Variants in ANK1 observed in about 807,000 individuals in gnomAD.
ANK1 encodes ankyrin 1.
In ANK1, 51 loss-of-function variants were observed where a neutral mutation model predicts 210.4. That is an observed-to-expected ratio of 0.24 (90% CI 0.19 to 0.31). The LOEUF (loss-of-function observed/expected upper bound fraction) is 0.31. Ranked by LOEUF, ANK1 falls within the 10% of genes least tolerant of loss-of-function variation. The pLI, the probability that ANK1 is intolerant of heterozygous loss-of-function variation, is 1.00. For synonymous variants in ANK1, 967 were observed against 1,025.9 expected (o/e 0.94, Z 1.10); for missense variants, 2,051 against 2,504.4 (o/e 0.82, Z 3.86).
In ANK1 at chr8:41,696,763, T is replaced by A. The variant is rs750992097; in HGVS notation, c.2648A>T (p.Glu883Val). The A allele has an allele frequency of 1.9e-6, 3 of 1,600,342 alleles. No individual in the cohort carries two copies. The highest frequency in any genetic ancestry group is 1.7e-4 in the Middle Eastern group (1 of 5,964). The change falls in exon 25 of 43, where the codon GAG becomes GTG. Residue 883 changes from glutamate to valine, a missense_variant. Glu to Val is a moderately radical substitution (Grantham distance 121). Around this residue, in one of 6 missense-constraint regions of ANK1, gnomAD observed 1,413 missense variants for 1,707.4 expected, o/e 0.83. Coordinates refer to ENST00000289734, the MANE Select transcript of ANK1 (RefSeq NM_000037.4). The stretch of plus-strand genomic sequence containing the variant: ...GGGGATGAGGGAGTCCTCATCATAC[T>A]CTTTAGATGCCTGAGGAGAGAGAAA... The part of the protein sequence containing the change: ...RSEEQEQASK[E>V]YDEDSLIPSS...
chr8:41,871,154 C>T (rs1815409001), intron 1 of ANK1, among the ~76,000 whole-genome samples: 1 of 152,190 alleles, frequency 6.6e-6, no homozygotes, highest in Non-Finnish European at 1.5e-5. Context: ...TGCACAGGTC[C>T]AGGGTGCCTT....
intron 1 of ANK1, among the ~76,000 whole-genome samples, chr8:41,806,543 T>A (rs200769469): frequency 6.6e-6 from 1 of 152,134 alleles, no homozygotes; most frequent in South Asian, 2.1e-4. Flanking sequence ...GGCGAAACCC[T>A]GTCTCTACTA....
intron 10 of ANK1, 72 bp downstream of exon 10, chr8:41,719,589 G>A (rs1004947664): frequency 7.1e-5 from 113 of 1,597,726 alleles, no homozygotes; most frequent in Non-Finnish European, 9.7e-5. Context: ...CACAGGCCCA[G>A]CCATGCCTCT....
At chr8:41,717,837 C>T (rs1297512537) in intron 11 of ANK1, 135 bp from the exon 12 acceptor site, 4 of 985,250 alleles carry the variant, frequency 4.1e-6, no homozygotes, top group Middle Eastern at 2.2e-4. Flanking sequence ...GGTTTGCTTC[C>T]AAGAAAATGG....
chr8:41,714,745 C>T (rs1827144176), intron 15 of ANK1, among the ~76,000 whole-genome samples: 1 of 151,972 alleles, frequency 6.6e-6, no homozygotes, highest in Non-Finnish European at 1.5e-5. Context: ...CTTGTAGTCC[C>T]AGCTACTCAG....
At position 41,690,458 on chromosome 8, in the gene ANK1, C is replaced by G. The variant is rs1430032968; in HGVS notation, c.3984+16G>C. On this transcript the variant is annotated intron_variant, in intron 32 of 42. Coordinates refer to ENST00000289734, the MANE Select transcript of ANK1 (RefSeq NM_000037.4). Reference sequence around the variant, plus strand: ...TTCTAGACCCAGAGGAGAACTCAGCCAGAGGGTGCCGGCACCTTTACAGGC... The same window carrying G: ...TTCTAGACCCAGAGGAGAACTCAGCGAGAGGGTGCCGGCACCTTTACAGGC... The G allele has an allele frequency of 3.7e-6, 6 of 1,614,086 alleles. No homozygotes were observed. Among genetic ancestry groups the G allele is most frequent in the Non-Finnish European group, 5.1e-6 (6 of 1,180,028 alleles).
intron 37 of ANK1, among the ~76,000 whole-genome samples, chr8:41,678,458 A>C (rs995449277): frequency 2.0e-5 from 3 of 152,182 alleles, no homozygotes; most frequent in Non-Finnish European, 4.4e-5. Flanking sequence ...TTCTTACAAT[A>C]CTTTTTCTTC....
chr8:41,746,166 G>A (rs150279060), intron 2 of ANK1, among the ~76,000 whole-genome samples: 1 of 152,334 alleles, frequency 6.6e-6, no homozygotes, highest in South Asian at 2.1e-4. Context: ...CTCTCGTTCT[G>A]CGGGGCCATA....
chr8:41,883,352 T>C (rs1362325404), intron 1 of ANK1, among the ~76,000 whole-genome samples: 4 of 152,232 alleles, frequency 2.6e-5, no homozygotes, highest in Non-Finnish European at 1.5e-5. Context: ...CTTAGGCCCA[T>C]GTAAGCCAGT....
chr8:41,759,738 G>A (rs574984080), intron 1 of ANK1, among the ~76,000 whole-genome samples: 7 of 152,236 alleles, frequency 4.6e-5, no homozygotes, highest in African/African-American at 1.4e-4. Context: ...CACAGATACC[G>A]AAGGATGACT....
intron 16 of ANK1, among the ~76,000 whole-genome samples, chr8:41,713,509 G>A (rs532358937): frequency 1.1e-4 from 16 of 152,346 alleles, no homozygotes; most frequent in Middle Eastern, 3.4e-3. Flanking sequence ...GCTCGCCTCC[G>A]AAGCTGGTGT....
At chr8:41,660,637 T>A in intron 42 of ANK1, 1 of 430,482 alleles carries the variant, frequency 2.3e-6, no homozygotes. Flanking sequence ...GCCCCTGCTC[T>A]GTGGCCACAC....
intron 1 of ANK1, among the ~76,000 whole-genome samples, chr8:41,788,512 A>G (rs1846921361): frequency 6.6e-6 from 1 of 152,224 alleles, no homozygotes; most frequent in East Asian, 1.9e-4. Flanking sequence ...TATCCCCAAT[A>G]AACAACTTTA....
At chr8:41,855,457 G>A (rs1812021704) in intron 1 of ANK1, among the ~76,000 whole-genome samples, 1 of 152,204 alleles carries the variant, frequency 6.6e-6, no homozygotes, top group Non-Finnish European at 1.5e-5. Flanking sequence ...TCCACATTTT[G>A]GATCACTGGG....
At chr8:41,761,388 C>CAT (rs1840418355) in intron 1 of ANK1, among the ~76,000 whole-genome samples, 1 of 149,016 alleles carries the variant, frequency 6.7e-6, no homozygotes, top group African/African-American at 2.5e-5. Context: ...CACACACACA[C>CAT]ATGTTCACAC....
rs181619559 is a variant in ANK1, at chr8:41,836,230, C to T, written c.126+60125G>A. 3.5e-3 allele frequency among the ~76,000 whole-genome samples: 529 copies of T among 152,354 alleles called. 2 individuals are homozygous for T. The highest frequency in any genetic ancestry group is 0.011 in the African/African-American group (463 of 41,576). On this transcript the variant is annotated intron_variant, in intron 1 of 42. Transcript: ENST00000265709. ...GCCTCCTTCTTGCTGCAGATCCCGT[C>T]GCAACAAAATGCTGCCGACTGCTCA...
intron 1 of ANK1, among the ~76,000 whole-genome samples, chr8:41,846,152 G>T (rs1810016350): frequency 6.6e-6 from 1 of 152,212 alleles, no homozygotes; most frequent in South Asian, 2.1e-4. Context: ...GACGCCTCTG[G>T]CCATTTTATG....
rs531837686 is a variant in ANK1, at chr8:41,763,623, G to T, written c.28-5486C>A. ...CCCTGACAGGCTGGCGGCTGGGCAG[G>T]CCTATATGCCTCGGCCGTTAAAGAG... On this transcript the variant is annotated intron_variant, in intron 1 of 42. Coordinates refer to ENST00000289734, the MANE Select transcript of ANK1 (RefSeq NM_000037.4). 3.9e-5 allele frequency among the ~76,000 whole-genome samples: 6 copies of T among 152,224 alleles called. No homozygotes were observed. The East Asian group carries it at 1.2e-3, about 30-fold the overall frequency.
At chr8:41,705,673 A>G (rs571443872) in intron 18 of ANK1, among the ~76,000 whole-genome samples, 1 of 152,254 alleles carries the variant, frequency 6.6e-6, no homozygotes, top group African/African-American at 2.4e-5. Context: ...TAAATATCAA[A>G]TTATGCTCTT....
Sources: gnomAD v4.1 joint callset for allele counts (sites outside exome capture counted in the v4.1 genomes callset) on GRCh38, gnomAD v4.1.1 for gene constraint, gnomAD v4.1.1 regional missense constraint, MANE v1.5 for transcripts, NCBI Gene and HGNC (gene_info 2026-07-23, HGNC 2026-07-21) for gene names.